TPP2: variants seen among roughly 807,000 people sequenced by gnomAD.
The protein encoded by TPP2 is tripeptidyl-peptidase 2.
A neutral mutation model predicts 155.9 loss-of-function variants in TPP2; 34 were observed. That is an observed-to-expected ratio of 0.22 (90% CI 0.17 to 0.29). TPP2 has a LOEUF of 0.29. Ranked by LOEUF, TPP2 falls within the 10% of genes least tolerant of loss-of-function variation. TPP2 has a pLI of 1.00. For missense variants in TPP2, 1,028 were observed against 1,522.3 expected, an observed-to-expected ratio of 0.68 and a Z score of 5.40; for synonymous variants, 510 against 529.4, an observed-to-expected ratio of 0.96 and a Z score of 0.50.
chr13:102,607,535 C>G (rs1164724274), intron 2 of TPP2: 2 of 230,796 alleles, frequency 8.7e-6, no homozygotes, highest in Non-Finnish European at 1.9e-5. Context: ...AGAGAGAATT[C>G]CTAGTAAGTC....
chr13:102,674,134 A>G lies in TPP2; in HGVS notation c.3372-149A>G. ...GTTTATTAATAAGGCATCATATTTGATGTACAATACAATTGTACGTACCTG... is the reference window on the plus strand; with the variant it reads ...GTTTATTAATAAGGCATCATATTTGGTGTACAATACAATTGTACGTACCTG... On this transcript the variant is annotated intron_variant, in intron 27 of 29. Transcript: ENST00000376052. The G allele has an allele frequency of 9.0e-6, 7 of 781,566 alleles. No homozygotes were observed. In the South Asian group the frequency reaches 1.1e-4, roughly 13 times the overall value. 48.4% of individuals were successfully genotyped at this position (781,566 alleles called of 1,614,324 possible). A position where few individuals can be genotyped will look rare whatever the true frequency, so the allele number is the denominator to read the frequency against.
intron 24 of TPP2, among the ~76,000 whole-genome samples, chr13:102,653,552 G>A (rs879851601): frequency 6.6e-6 from 1 of 151,890 alleles, no homozygotes; most frequent in African/African-American, 2.4e-5. Flanking sequence ...GTGCCACTAT[G>A]CCTGGCTAAT....
chr13:102,622,877 A>C lies in TPP2; in HGVS notation c.621A>C (p.Arg207Ser). ...CLVWHDGEVW[R>S]ACIDSNEDGD... is the part of the protein sequence containing the mutation. ...GTCTCCATTTCTTTTTAATTAATAGAGCCTGCATTGATTCTAATGAAGATG... is the reference window on the plus strand; with the variant it reads ...GTCTCCATTTCTTTTTAATTAATAGCGCCTGCATTGATTCTAATGAAGATG... Residue 207 changes from arginine to serine, a missense_variant and splice_region_variant, in exon 6 of 30, where the codon AGA (arginine) becomes AGC (serine). Transcript: ENST00000376052. 1 of 1,607,384 alleles carries C rather than the reference A, an allele frequency of 6.2e-7. No homozygotes were observed.
chr13:102,671,920 T>C (rs1213867264), intron 27 of TPP2, among the ~76,000 whole-genome samples: 6 of 152,172 alleles, frequency 3.9e-5, no homozygotes, highest in Non-Finnish European at 1.5e-5. Flanking sequence ...TTTTATATAC[T>C]GTTGCTGTTG....
intron 5 of TPP2, 132 bp downstream of exon 5, chr13:102,618,978 C>A: frequency 3.5e-6 from 4 of 1,148,800 alleles, no homozygotes; most frequent in Non-Finnish European, 4.6e-6. Flanking sequence ...ATTTAAGGGC[C>A]AAATTGGCAT....
intron 24 of TPP2, chr13:102,656,838 AGGAGATATTT>A (rs1883890162): frequency 6.0e-6 from 2 of 334,234 alleles, no homozygotes. Flanking sequence ...TTTATTTTAA[AGGAGATATTT>A]GAAGTATCAG....
At chr13:102,652,425 T>C (rs1254795682) in intron 24 of TPP2, among the ~76,000 whole-genome samples, 2 of 15,578 alleles carry the variant, frequency 1.3e-4, no homozygotes, top group African/African-American at 9.3e-4. Flanking sequence ...TATATATATA[T>C]ATATATATAT....
chr13:102,657,079 C>T lies in TPP2; in HGVS notation c.3015C>T (p.Tyr1005=). 2 of 1,592,770 alleles carry T rather than the reference C, an allele frequency of 1.3e-6. No individual in the cohort carries two copies. The highest frequency in any genetic ancestry group is 2.3e-5 in the South Asian group (2 of 86,196). ...AGGATGTAATCCCTGTTCATTACTA[C>T]TTAATACCTCCACCAACAAAGACTA... is the stretch of plus-strand genomic sequence containing the variant. ...FKKDVIPVHY[Y]LIPPPTKTKN... The change falls in exon 25 of 30, where the codon TAC becomes TAT. Residue 1005 remains tyrosine (Y), a synonymous_variant. Transcript: ENST00000376052.
At chr13:102,657,240 TGTTTA>T (rs941376137) in intron 25 of TPP2, 33 bp downstream of exon 25, 1 of 1,519,086 alleles carries the variant, frequency 6.6e-7, no homozygotes, top group African/African-American at 1.4e-5. Flanking sequence ...ATTCTTTAAA[TGTTTA>T]GTTCTATTTT....
chr13:102,609,034 A>T (rs992183035), intron 2 of TPP2, among the ~76,000 whole-genome samples: 6 of 152,182 alleles, frequency 3.9e-5, no homozygotes, highest in Non-Finnish European at 8.8e-5. Context: ...GTTACCTTAA[A>T]GAAGTCCTTA....
chr13:102,643,146 G>T (rs1882880084), intron 16 of TPP2, 76 bp from the exon 17 acceptor site: 2 of 1,380,526 alleles, frequency 1.4e-6, no homozygotes, highest in Admixed American at 2.9e-5. Flanking sequence ...TCCCTAAGTG[G>T]GCATTATTAA....
At position 102,619,992 on chromosome 13, in the gene TPP2, CAG is replaced by C. The variant is rs559275815; in HGVS notation, c.620+1149_620+1150del. ...TTCAAGGAAAATGCTAAATACGAAA[CAG>C]AGTATATTTAGGAAAGTATATACTA... On this transcript the variant is annotated intron_variant, in intron 5 of 29. Coordinates refer to ENST00000376052, the MANE Select transcript of TPP2 (RefSeq NM_001330588.2). 6.6e-5 allele frequency among the ~76,000 whole-genome samples: 10 copies of C among 152,248 alleles called. No individual in the cohort carries two copies. The East Asian group carries it at 1.5e-3, about 24-fold the overall frequency.
chr13:102,629,525 A>G lies in TPP2; in HGVS notation c.1060A>G (p.Ile354Val). The G allele has an allele frequency of 6.5e-7, 1 of 1,533,026 alleles. No homozygotes were observed. The highest frequency in any genetic ancestry group is 8.7e-7 in the Non-Finnish European group (1 of 1,150,594). 95.0% of individuals were successfully genotyped at this position (1,533,026 alleles called of 1,614,324 possible). A position where few individuals can be genotyped will look rare whatever the true frequency, so the allele number is the denominator to read the frequency against. The change falls in exon 9 of 30, where the codon ATA (isoleucine) becomes GTA (valine). Residue 354 changes from isoleucine to valine, a missense_variant. Ile to Val is a conservative substitution (Grantham distance 29). This residue lies in a region of TPP2 where 63 missense variants were observed against 165.7 expected (regional missense o/e 0.38). Coordinates refer to ENST00000376052, the MANE Select transcript of TPP2 (RefSeq NM_001330588.2). The stretch of plus-strand genomic sequence containing the variant: ...TAATGAAGCAGTATGGAAGCATAAT[A>G]TAATTTATGTTTCAAGTGCTGGAAA... ...VINEAVWKHN[I>V]IYVSSAGNNG...
chr13:102,614,964 A>G (rs1880609897), intron 3 of TPP2, among the ~76,000 whole-genome samples: 1 of 152,168 alleles, frequency 6.6e-6, no homozygotes, highest in Admixed American at 6.5e-5. Context: ...GAATGCTGAT[A>G]CAAGTAGCTG....
chr13:102,673,718 C>G (rs1304609640), intron 27 of TPP2, among the ~76,000 whole-genome samples: 1 of 152,226 alleles, frequency 6.6e-6, no homozygotes, highest in African/African-American at 2.4e-5. Context: ...TGCATAGTCT[C>G]TTTGGGCCAC....
intron 20 of TPP2, 150 bp from the exon 21 acceptor site, chr13:102,647,057 T>C (rs1311860337): frequency 1.1e-6 from 1 of 896,510 alleles, no homozygotes; most frequent in Admixed American, 3.1e-5. Context: ...AGTGCTAAAA[T>C]ACTGTGTGTT....
At chr13:102,658,850 T>C (rs1271583994) in intron 25 of TPP2, among the ~76,000 whole-genome samples, 1 of 152,168 alleles carries the variant, frequency 6.6e-6, no homozygotes, top group African/African-American at 2.4e-5. Flanking sequence ...CAGTTCCAGC[T>C]GAGTGCTCTC....
chr13:102,671,274 C>T (rs1313280302), intron 27 of TPP2, among the ~76,000 whole-genome samples: 1 of 152,144 alleles, frequency 6.6e-6, no homozygotes, highest in Non-Finnish European at 1.5e-5. Flanking sequence ...CATTGATAGC[C>T]CGTAAGTCAT....
intron 20 of TPP2, 59 bp downstream of exon 20, chr13:102,646,449 T>C: frequency 7.4e-7 from 1 of 1,360,312 alleles, no homozygotes; most frequent in South Asian, 1.3e-5. Context: ...TTATTTATGA[T>C]TCATAGAATC....
Sources: allele counts gnomAD v4.1 joint callset (sites outside exome capture counted in the v4.1 genomes callset), GRCh38; gene constraint gnomAD v4.1.1; regional missense constraint gnomAD v4.1.1; transcripts MANE v1.5; gene names NCBI Gene and HGNC (gene_info 2026-07-23, HGNC 2026-07-21).